The following MLIP variants were observed in gnomAD, a reference collection of about 807,000 sequenced individuals.
MLIP encodes the protein muscular LMNA interacting protein, also known as muscular LMNA-interacting protein.
MLIP carries 79 observed loss-of-function variants against 84.8 expected under a neutral mutation model. That is an observed-to-expected ratio of 0.93 (90% CI 0.78 to 1.12). The LOEUF (loss-of-function observed/expected upper bound fraction) is 1.12, where lower values mean the gene tolerates loss of function less well. MLIP is among the 50% of genes most tolerant of loss of function. MLIP has a pLI of 0.00. For synonymous variants in MLIP, 504 were observed against 463.0 expected (o/e 1.09, Z -1.14); for missense variants, 1,257 against 1,160.6 (o/e 1.08, Z -1.21).
At chr6:54,187,003 T>C (rs1777461336) in intron 9 of MLIP, among the ~76,000 whole-genome samples, 1 of 152,096 alleles carries the variant, frequency 6.6e-6, no homozygotes, top group Non-Finnish European at 1.5e-5. Context: ...ATATTGACCA[T>C]GAAGCATGAA....
intron 10 of MLIP, among the ~76,000 whole-genome samples, chr6:54,200,804 C>T (rs1330657527): frequency 2.0e-5 from 3 of 152,032 alleles, no homozygotes; most frequent in Admixed American, 6.6e-5. Context: ...TCTGTATTTT[C>T]CCAGTTGTCA....
At chr6:54,192,849 G>C (rs1290271101) in intron 10 of MLIP, among the ~76,000 whole-genome samples, 1 of 152,024 alleles carries the variant, frequency 6.6e-6, no homozygotes, top group Non-Finnish European at 1.5e-5. Context: ...AAAATTATTT[G>C]ACTCCTATTT....
intron 11 of MLIP, among the ~76,000 whole-genome samples, chr6:54,222,853 C>A (rs1780309878): frequency 6.6e-6 from 1 of 152,140 alleles, no homozygotes; most frequent in African/African-American, 2.4e-5. Context: ...TACAAGTGTT[C>A]TCTTTTTTCC....
At chr6:54,251,504 T>A (rs1461631062) in intron 12 of MLIP, among the ~76,000 whole-genome samples, 1 of 119,938 alleles carries the variant, frequency 8.3e-6, no homozygotes, top group Non-Finnish European at 1.6e-5. Flanking sequence ...AATTATATAA[T>A]CAGGAATATA....
chr6:54,160,762 G>A lies in MLIP; in HGVS notation c.2462G>A (p.Arg821Lys). ...LSMHSSDSPSRSPKTLLGSDT... is the reference protein window; with the variant it reads ...LSMHSSDSPSKSPKTLLGSDT... The stretch of plus-strand genomic sequence containing the variant: ...CAGCATTCTTCTGATTCTCCTTCAA[G>A]GTCCCCAAAGACATTGTTGGGTTCT... The change falls in exon 8 of 14, where the codon AGG becomes AAG. Residue 821 changes from arginine (R) to lysine (K), a missense_variant. Arg to Lys is a conservative substitution (Grantham distance 26, BLOSUM62 2). Coordinates refer to ENST00000502396, the MANE Select transcript of MLIP (RefSeq NM_001281747.2). 1 of 1,597,980 alleles carries A rather than the reference G, an allele frequency of 6.3e-7. No homozygotes were observed. Among genetic ancestry groups the A allele is most frequent in the Non-Finnish European group, 8.6e-7 (1 of 1,167,584 alleles).
At chr6:54,221,429 G>C (rs1191165179) in intron 11 of MLIP, among the ~76,000 whole-genome samples, 1 of 152,036 alleles carries the variant, frequency 6.6e-6, no homozygotes, top group Non-Finnish European at 1.5e-5. Flanking sequence ...CAGTTGAAAA[G>C]TGACAGAGTA....
chr6:54,058,288 G>A (rs1265076456), intron 1 of MLIP, among the ~76,000 whole-genome samples: 2 of 152,188 alleles, frequency 1.3e-5, no homozygotes, highest in African/African-American at 4.8e-5. Flanking sequence ...CAGACTTTGT[G>A]TTAGATACTG....
chr6:54,146,269 A>T (rs1340373185), intron 4 of MLIP, among the ~76,000 whole-genome samples: 1 of 152,230 alleles, frequency 6.6e-6, no homozygotes, highest in Admixed American at 6.5e-5. Flanking sequence ...CCCAATTATT[A>T]TCTTCATTAC....
chr6:54,107,742 C>A (rs1769121323), upstream of MLIP, among the ~76,000 whole-genome samples: 1 of 152,318 alleles, frequency 6.6e-6, no homozygotes, highest in South Asian at 2.1e-4. Flanking sequence ...ATAAGCCATG[C>A]TGAGAACAGG....
intron 9 of MLIP, among the ~76,000 whole-genome samples, chr6:54,184,096 A>C (rs1283338007): frequency 6.6e-6 from 1 of 152,080 alleles, no homozygotes; most frequent in Non-Finnish European, 1.5e-5. Flanking sequence ...TCTTATTTTG[A>C]GTGTTGTCTT....
chr6:54,247,728 A>T (rs1020488490), intron 12 of MLIP, among the ~76,000 whole-genome samples: 1 of 152,090 alleles, frequency 6.6e-6, no homozygotes, highest in East Asian at 1.9e-4. Flanking sequence ...CTATAGACAT[A>T]CAGTCCTTAG....
At position 54,256,489 on chromosome 6, in the gene MLIP, A is replaced by G. The variant is rs568759577; in HGVS notation, c.2923-819A>G. 3.3e-5 allele frequency among the ~76,000 whole-genome samples: 5 copies of G among 152,256 alleles called. No homozygotes were observed. In the East Asian group the frequency reaches 7.7e-4, roughly 24 times the overall value. On this transcript the variant is annotated intron_variant, in intron 12 of 13. Coordinates refer to ENST00000502396, the MANE Select transcript of MLIP (RefSeq NM_001281747.2). ...CAGAAATAAGAAATATTCCTGTCAA[A>G]CTGGATCTGTGGTGATTCTAAAGCT...
intron 1 of MLIP, chr6:54,083,574 A>T: frequency 1.3e-6 from 2 of 1,535,976 alleles, no homozygotes; most frequent in Non-Finnish European, 1.7e-6. Context: ...GACACGTGGC[A>T]CCGGATTCCA....
At position 54,188,678 on chromosome 6, in the gene MLIP, A is replaced by G. The variant is rs113622625; in HGVS notation, c.2545-1192A>G. Among the ~76,000 whole-genome samples the G allele has an allele frequency of 5.3e-4, 81 of 152,328 alleles. 2 individuals carry two copies. Among genetic ancestry groups the G allele is most frequent in the African/African-American group, 1.9e-3 (80 of 41,580 alleles). ...TTACTATATATTTAATAGAAGATCA[A>G]TAACTAGAGCTTAGATATAATGGGA... On this transcript the variant is annotated intron_variant, in intron 9 of 13. Transcript: ENST00000502396.
At chr6:54,029,228 C>T (rs1763988386) in intron 1 of MLIP, 2 of 152,062 alleles carry the variant, frequency 1.3e-5, no homozygotes, top group Non-Finnish European at 2.9e-5. Context: ...CTGGATGTGT[C>T]CTCCAACATT....
chr6:54,230,684 T>G, intron 11 of MLIP, 30 bp from the exon 12 acceptor site: 2 of 1,606,858 alleles, frequency 1.2e-6, no homozygotes. Flanking sequence ...TATGCTAACA[T>G]CCTCTTATGC....
chr6:54,048,662 C>T, intron 1 of MLIP, among the ~76,000 whole-genome samples: 1 of 152,074 alleles, frequency 6.6e-6, no homozygotes, highest in East Asian at 1.9e-4. Context: ...ATATATGTTT[C>T]CCCTGAAGAG....
At chr6:54,191,884 T>C (rs1777953185) in intron 10 of MLIP, among the ~76,000 whole-genome samples, 2 of 151,982 alleles carry the variant, frequency 1.3e-5, no homozygotes, top group South Asian at 4.1e-4. Flanking sequence ...ATATAAAATA[T>C]AGATTTTAGG....
chr6:54,125,517 C>A (rs1770850032), intron 3 of MLIP, among the ~76,000 whole-genome samples: 2 of 152,200 alleles, frequency 1.3e-5, no homozygotes, highest in Middle Eastern at 3.4e-3. Flanking sequence ...TAGGAGAAGA[C>A]CCACATCTGT....
Sources: allele counts gnomAD v4.1 joint callset (sites outside exome capture counted in the v4.1 genomes callset), GRCh38; gene constraint gnomAD v4.1.1; transcripts MANE v1.5; gene names NCBI Gene and HGNC (gene_info 2026-07-23, HGNC 2026-07-21).